Variants in C5orf58 observed in about 807,000 individuals in gnomAD.
C5orf58 encodes the protein putative uncharacterized protein C5orf58.
A neutral mutation model predicts 2.9 loss-of-function variants in C5orf58; 2 were observed. The observed-to-expected ratio is 0.69, with a 90% CI of 0.28 to 2.18. The LOEUF (loss-of-function observed/expected upper bound fraction) is 2.18, where lower values mean the gene tolerates loss of function less well. C5orf58 is among the 30% of genes most tolerant of loss of function. C5orf58 has a pLI of 0.13. For missense variants in C5orf58, 96 were observed against 91.7 expected, an observed-to-expected ratio of 1.05 and a Z score of -0.19; for synonymous variants, 37 against 33.4, an observed-to-expected ratio of 1.11 and a Z score of -0.37.
chr5:170,246,664 C>A (rs1761305065), downstream of C5orf58: 2 of 152,504 alleles, frequency 1.3e-5, no homozygotes, highest in African/African-American at 2.4e-5. Flanking sequence ...CTTTGGGGAC[C>A]CCAGATAAAA....
chr5:170,239,271 T>C (rs978542963), intron 3 of C5orf58, among the ~76,000 whole-genome samples: 3 of 152,156 alleles, frequency 2.0e-5, no homozygotes, highest in Non-Finnish European at 4.4e-5. Context: ...ATTTGTATAA[T>C]TAACATTTAA....
At chr5:170,248,909 G>T, downstream of C5orf58, 1 of 1,268,448 alleles carries the variant, frequency 7.9e-7, no homozygotes, top group Non-Finnish European at 1.1e-6. Flanking sequence ...AATATATGCT[G>T]CCTCTTCAAG....
intron 3 of C5orf58, among the ~76,000 whole-genome samples, chr5:170,238,641 T>A (rs1039716510): frequency 1.3e-5 from 2 of 152,176 alleles, no homozygotes; most frequent in African/African-American, 4.8e-5. Context: ...AGGCAGAATG[T>A]TGTGAAATTT....
At chr5:170,240,569 T>C (rs1446822908) in intron 3 of C5orf58, among the ~76,000 whole-genome samples, 2 of 152,016 alleles carry the variant, frequency 1.3e-5, no homozygotes, top group African/African-American at 4.8e-5. Flanking sequence ...TGCATAAATG[T>C]CTTCTTTTGA....
exon 3 of C5orf58, chr5:170,251,671 T>C (rs1225967749): frequency 8.8e-6 from 4 of 456,096 alleles, no homozygotes; most frequent in Admixed American, 7.0e-5. Context: ...TCAGAACATC[T>C]CTGCTAAACA....
Position 170,234,149 on chromosome 5 carries a change from C to G in C5orf58, c.-50C>G. The G allele has an allele frequency of 7.3e-7, 1 of 1,367,540 alleles. No homozygotes were observed. The highest frequency in any genetic ancestry group is 1.1e-5 in the South Asian group (1 of 88,044). The allele number at this position is 1,367,540 out of a possible 1,614,324, so 84.7% of individuals were successfully genotyped here. A position where few individuals can be genotyped will look rare whatever the true frequency, so the allele number is the denominator to read the frequency against. ...AGTGGCTCTGAAATGAGAGAAATTG[C>G]AGAAATTCTCCCTGCTCAGGAAAAG... On this transcript the variant is annotated 5_prime_UTR_variant, in exon 2 of 4. Transcript: ENST00000593851.
In C5orf58 at chr5:170,246,003, A is replaced by G; in HGVS notation, c.136A>G (p.Asn46Asp). The stretch of plus-strand genomic sequence containing the variant: ...GCTTTGTGACCTTATCCTACATTTT[A>G]ATCATCCCATCAAGACTGAGAACTT... Reference protein sequence around the residue: ...LLLCDLILHFNHPIKTENLAE... With the variant: ...LLLCDLILHFDHPIKTENLAE... The change falls in exon 4 of 4, where the codon AAT becomes GAT. Residue 46 changes from asparagine to aspartate, a missense_variant. Coordinates refer to ENST00000593851, the MANE Select transcript of C5orf58 (RefSeq NM_001102609.3). 2 of 1,613,758 alleles carry G rather than the reference A, an allele frequency of 1.2e-6. No individual in the cohort carries two copies. The highest frequency in any genetic ancestry group is 1.7e-6 in the Non-Finnish European group (2 of 1,179,742).
chr5:170,251,769 C>A (rs1475306338), exon 3 of C5orf58: 19 of 396,584 alleles, frequency 4.8e-5, no homozygotes, highest in South Asian at 3.3e-4. Flanking sequence ...TGACACAGCA[C>A]CCCCAGAATA....
At chr5:170,247,536 G>C (rs993328118), downstream of C5orf58, 2 of 152,174 alleles carry the variant, frequency 1.3e-5, no homozygotes, top group African/African-American at 4.8e-5. Context: ...AGGTCCCAAA[G>C]GGAAAAACTT....
At chr5:170,245,796 G>T (rs139209502) in intron 3 of C5orf58, among the ~76,000 whole-genome samples, 166 bp from the exon 4 acceptor site, 1 of 152,106 alleles carries the variant, frequency 6.6e-6, no homozygotes, top group Admixed American at 6.5e-5. Flanking sequence ...TTGGCTCCTC[G>T]AGAGCATAAA....
At chr5:170,247,813 C>G (rs1391979632), downstream of C5orf58, 1 of 152,138 alleles carries the variant, frequency 6.6e-6, no homozygotes, top group Non-Finnish European at 1.5e-5. Flanking sequence ...TCCCAGGAAG[C>G]CTTTGGTAAA....
chr5:170,244,906 T>TG (rs1228887549), intron 3 of C5orf58, among the ~76,000 whole-genome samples: 1 of 151,768 alleles, frequency 6.6e-6, no homozygotes, highest in African/African-American at 2.4e-5. Flanking sequence ...CCCATCTTTG[T>TG]GGTTTTATCT....
intron 1 of C5orf58, 77 bp from the exon 2 acceptor site, chr5:170,234,038 C>A: frequency 3.8e-6 from 3 of 795,730 alleles, no homozygotes; most frequent in Non-Finnish European, 3.8e-6. Context: ...CCAAGGAAGG[C>A]AGCTGACATC....
At chr5:170,248,941 A>T (rs1761362708), downstream of C5orf58, 7 of 968,698 alleles carry the variant, frequency 7.2e-6, no homozygotes, top group South Asian at 1.1e-4. Context: ...GTGGGGGGAA[A>T]AAATGTAAAT....
At position 170,246,096 on chromosome 5, in the gene C5orf58, A is replaced by T; in HGVS notation, c.229A>T (p.Asn77Tyr). Residue 77 changes from asparagine to tyrosine, a missense_variant, in exon 4 of 4, where the codon AAC becomes TAC. Transcript: ENST00000593851. ...SKISDVSLVS[N>Y]SFSI ...AATATCAGATGTATCCCTTGTTTCT[A>T]ACAGTTTTTCTATCTGATTTCTTAT... 6.2e-7 allele frequency: 1 copy of T among 1,610,306 alleles called. No homozygotes were observed. The highest frequency in any genetic ancestry group is 8.5e-7 in the Non-Finnish European group (1 of 1,178,432).
chr5:170,244,540 T>G (rs976536146), intron 3 of C5orf58, among the ~76,000 whole-genome samples: 1 of 152,128 alleles, frequency 6.6e-6, no homozygotes, highest in African/African-American at 2.4e-5. Context: ...CATCTGCCAT[T>G]GCTGATACCC....
chr5:170,248,377 G>C, downstream of C5orf58: 1 of 218,296 alleles, frequency 4.6e-6, no homozygotes, highest in Non-Finnish European at 9.1e-6. Flanking sequence ...GCCCCAAATT[G>C]TTTCTGTAGC....
intron 3 of C5orf58, among the ~76,000 whole-genome samples, chr5:170,238,852 G>A (rs898844605): frequency 6.6e-6 from 1 of 152,024 alleles, no homozygotes; most frequent in Non-Finnish European, 1.5e-5. Flanking sequence ...TAAATTTTCA[G>A]ACATATAATT....
At chr5:170,237,497 A>C in intron 3 of C5orf58, 1 of 387,728 alleles carries the variant, frequency 2.6e-6, no homozygotes. Context: ...AAAATCCACA[A>C]GTAAAGAGAT....
Sources: gnomAD v4.1 joint callset for allele counts (sites outside exome capture counted in the v4.1 genomes callset) on GRCh38, gnomAD v4.1.1 for gene constraint, MANE v1.5 for transcripts, NCBI Gene and HGNC (gene_info 2026-07-23, HGNC 2026-07-21) for gene names.